Variants in ADAMTS12 observed in about 807,000 individuals in gnomAD.
The protein encoded by ADAMTS12 is A disintegrin and metalloproteinase with thrombospondin motifs 12.
ADAMTS12 carries 118 observed loss-of-function variants against 167.8 expected under a neutral mutation model. That is an observed-to-expected ratio of 0.70 (90% CI 0.61 to 0.82). The LOEUF (loss-of-function observed/expected upper bound fraction) is 0.82, where lower values mean the gene tolerates loss of function less well. Ranked by LOEUF, ADAMTS12 falls within the 40% of genes least tolerant of loss-of-function variation. The pLI is 0.00. For synonymous variants in ADAMTS12, 704 were observed against 716.9 expected (o/e 0.98, Z 0.29); for missense variants, 1,916 against 1,998.8 (o/e 0.96, Z 0.79).
chr5:33,886,113 C>G (rs553269945), intron 1 of ADAMTS12, among the ~76,000 whole-genome samples: 1 of 152,288 alleles, frequency 6.6e-6, no homozygotes, highest in Non-Finnish European at 1.5e-5. Context: ...ATACATCTCA[C>G]AGATTTAAAC....
chr5:33,754,807 G>T (rs184520981), intron 2 of ADAMTS12, among the ~76,000 whole-genome samples: 1 of 152,264 alleles, frequency 6.6e-6, no homozygotes, highest in African/African-American at 2.4e-5. Context: ...AGTGAGCCGA[G>T]ATTGCGCCAT....
At chr5:33,883,563 C>T (rs914550014) in intron 1 of ADAMTS12, among the ~76,000 whole-genome samples, 5 of 151,550 alleles carry the variant, frequency 3.3e-5, no homozygotes, top group African/African-American at 4.8e-5. Flanking sequence ...CAACACTCCA[C>T]GAAAAACAAG....
chr5:33,808,062 A>T (rs957230908), intron 2 of ADAMTS12, among the ~76,000 whole-genome samples: 1 of 152,226 alleles, frequency 6.6e-6, no homozygotes, highest in Non-Finnish European at 1.5e-5. Context: ...GTGATTCTTC[A>T]AAGTTCTCAA....
intron 2 of ADAMTS12, among the ~76,000 whole-genome samples, chr5:33,810,479 C>T (rs717765): frequency 0.31 from 47,647 of 151,972 alleles, 8,007 homozygotes; most frequent in African/African-American, 0.42. Context: ...CCCCCACATA[C>T]GCTATTTATC....
intron 2 of ADAMTS12, among the ~76,000 whole-genome samples, chr5:33,797,666 CCTTA>C (rs1164620820): frequency 6.6e-6 from 1 of 152,016 alleles, no homozygotes; most frequent in Non-Finnish European, 1.5e-5. Flanking sequence ...ATAAATAATA[CCTTA>C]CTTACTTGGG....
intron 19 of ADAMTS12, among the ~76,000 whole-genome samples, chr5:33,568,935 G>T (rs1746156470): frequency 6.6e-6 from 1 of 152,236 alleles, no homozygotes; most frequent in African/African-American, 2.4e-5. Context: ...GCACACCAGG[G>T]GATTATATCC....
At chr5:33,586,859 C>CT (rs781057179) in intron 18 of ADAMTS12, among the ~76,000 whole-genome samples, 75 of 152,312 alleles carry the variant, frequency 4.9e-4, no homozygotes, top group Non-Finnish European at 8.5e-4. Flanking sequence ...GAATGTATGG[C>CT]TTATCACTGA....
At chr5:33,532,451 T>G (rs1040890023) in intron 23 of ADAMTS12, among the ~76,000 whole-genome samples, 1 of 151,942 alleles carries the variant, frequency 6.6e-6, no homozygotes, top group Admixed American at 6.6e-5. Context: ...TGTATCAACA[T>G]TGGATCTAAG....
At chr5:33,858,429 G>A (rs1474293756) in intron 2 of ADAMTS12, among the ~76,000 whole-genome samples, 1 of 152,162 alleles carries the variant, frequency 6.6e-6, no homozygotes, top group African/African-American at 2.4e-5. Flanking sequence ...GGCCAAGGTG[G>A]GAGGATTGCT....
chr5:33,822,899 C>A (rs1405615463), intron 2 of ADAMTS12, among the ~76,000 whole-genome samples: 1 of 151,814 alleles, frequency 6.6e-6, no homozygotes, highest in Non-Finnish European at 1.5e-5. Context: ...ATCAGCCTGG[C>A]AACTTGGCAA....
intron 2 of ADAMTS12, among the ~76,000 whole-genome samples, chr5:33,797,320 G>A (rs1053234596): frequency 3.9e-5 from 6 of 152,120 alleles, no homozygotes; most frequent in African/African-American, 1.2e-4. Context: ...ATTGACACTG[G>A]AGACTAATTA....
chr5:33,749,506 AAG>A (rs1202662326), intron 3 of ADAMTS12, among the ~76,000 whole-genome samples: 4 of 152,156 alleles, frequency 2.6e-5, no homozygotes, highest in African/African-American at 4.8e-5. Context: ...AAGCAGGTGT[AAG>A]AGAGTGTCTT....
intron 3 of ADAMTS12, among the ~76,000 whole-genome samples, chr5:33,720,751 G>A (rs1012572487): frequency 3.3e-5 from 5 of 152,116 alleles, no homozygotes; most frequent in South Asian, 2.1e-4. Flanking sequence ...GCTGGTGAGC[G>A]GGTAAATTGG....
chr5:33,640,982 C>T (rs1740418851), intron 11 of ADAMTS12, among the ~76,000 whole-genome samples: 1 of 151,460 alleles, frequency 6.6e-6, no homozygotes, highest in African/African-American at 2.4e-5. Context: ...TTATTGCTCG[C>T]CTTTTAAAAA....
intron 2 of ADAMTS12, among the ~76,000 whole-genome samples, chr5:33,813,644 G>A (rs993487928): frequency 6.6e-6 from 1 of 152,160 alleles, no homozygotes; most frequent in Admixed American, 6.5e-5. Context: ...CATGCTACAA[G>A]GAAACTCAAC....
intron 2 of ADAMTS12, among the ~76,000 whole-genome samples, chr5:33,809,271 C>T (rs922646656): frequency 3.3e-5 from 5 of 152,120 alleles, no homozygotes; most frequent in Non-Finnish European, 5.9e-5. Flanking sequence ...CTGGTGCTGC[C>T]GGTCCTTGGA....
intron 2 of ADAMTS12, 27 bp from the exon 3 acceptor site, chr5:33,751,575 T>G: frequency 6.2e-7 from 1 of 1,609,398 alleles, no homozygotes. Flanking sequence ...TAAGAAAGTT[T>G]ATTTTAACCA....
At chr5:33,861,344 G>A (rs1481848396) in intron 2 of ADAMTS12, among the ~76,000 whole-genome samples, 1 of 151,968 alleles carries the variant, frequency 6.6e-6, no homozygotes, top group Non-Finnish European at 1.5e-5. Flanking sequence ...TATTTGCCAA[G>A]CAAAATGGAA....
At chr5:33,716,646 T>A in intron 3 of ADAMTS12, among the ~76,000 whole-genome samples, 1 of 152,320 alleles carries the variant, frequency 6.6e-6, no homozygotes, top group South Asian at 2.1e-4. Context: ...TTTATCAGAA[T>A]TGTGTTTTTT....
Sources: gnomAD v4.1 joint callset for allele counts (sites outside exome capture counted in the v4.1 genomes callset) on GRCh38, gnomAD v4.1.1 for gene constraint, MANE v1.5 for transcripts, NCBI Gene and HGNC (gene_info 2026-07-23, HGNC 2026-07-21) for gene names.